The following MYO3B variants were observed in gnomAD, a reference collection of about 807,000 sequenced individuals.
The protein encoded by MYO3B is myosin-IIIb.
In MYO3B, 156 loss-of-function variants were observed where a neutral mutation model predicts 174.6. The observed-to-expected ratio is 0.89, with a 90% CI of 0.78 to 1.02. MYO3B has a LOEUF of 1.02. Ranked by LOEUF, MYO3B falls within the 50% of genes least tolerant of loss-of-function variation. MYO3B has a pLI of 0.00. For missense variants in MYO3B, 1,632 were observed against 1,639.4 expected (o/e 1.00, Z 0.08); for synonymous variants, 563 against 569.1 (o/e 0.99, Z 0.15).
chr2:170,455,144 T>C (rs988181819), intron 23 of MYO3B, among the ~76,000 whole-genome samples: 1 of 152,232 alleles, frequency 6.6e-6, no homozygotes, highest in African/African-American at 2.4e-5. Context: ...TCCTAAACCA[T>C]GATTTCTAAT....
chr2:170,581,896 T>A (rs562442962), intron 32 of MYO3B, among the ~76,000 whole-genome samples: 11 of 152,284 alleles, frequency 7.2e-5, no homozygotes, highest in Non-Finnish European at 1.6e-4. Flanking sequence ...ACCAAAGCTA[T>A]AAAAAATGTG....
At chr2:170,297,835 A>G (rs529786686) in intron 7 of MYO3B, among the ~76,000 whole-genome samples, 2 of 152,338 alleles carry the variant, frequency 1.3e-5, no homozygotes, top group African/African-American at 2.4e-5. Context: ...ATCACTGTTC[A>G]TGATTAGTAC....
intron 30 of MYO3B, among the ~76,000 whole-genome samples, chr2:170,528,419 T>A (rs554749697): frequency 6.6e-6 from 1 of 152,208 alleles, no homozygotes; most frequent in South Asian, 2.1e-4. Flanking sequence ...TTATTTTATT[T>A]TTTTTGAGAT....
Position 170,392,439 on chromosome 2 carries a change from A to G in MYO3B, c.1735A>G (p.Arg579Gly). The G allele has an allele frequency of 1.2e-6, 2 of 1,601,316 alleles. No individual in the cohort carries two copies. The highest frequency in any genetic ancestry group is 1.7e-6 in the Non-Finnish European group (2 of 1,172,162). Reference sequence around the variant, plus strand: ...CGACATAACTTCCAAGGAGTCTTACAGAAGACAATTCGAAGCAATTCAGCA... The same window carrying G: ...CGACATAACTTCCAAGGAGTCTTACGGAAGACAATTCGAAGCAATTCAGCA... ...MHDITSKESY[R>G]RQFEAIQHCF... Residue 579 changes from arginine to glycine, a missense_variant, in exon 16 of 35, where the codon AGA becomes GGA. Arg to Gly is a moderately radical substitution (Grantham distance 125). Coordinates refer to ENST00000408978, the MANE Select transcript of MYO3B (RefSeq NM_138995.5).
chr2:170,583,718 A>G (rs1238161999), intron 32 of MYO3B, among the ~76,000 whole-genome samples: 1 of 152,212 alleles, frequency 6.6e-6, no homozygotes, highest in Non-Finnish European at 1.5e-5. Context: ...GTAGGCTAGT[A>G]TCTAAAATAT....
intron 20 of MYO3B, 86 bp downstream of exon 20, chr2:170,404,486 C>A: frequency 1.5e-6 from 2 of 1,347,402 alleles, no homozygotes; most frequent in Non-Finnish European, 2.0e-6. Flanking sequence ...ATGAATTTAC[C>A]TTACATATTT....
chr2:170,626,822 G>A (rs1393681972), intron 32 of MYO3B, among the ~76,000 whole-genome samples: 4 of 152,152 alleles, frequency 2.6e-5, no homozygotes, highest in Admixed American at 2.6e-4. Flanking sequence ...AGTTTGGCTG[G>A]ATATGAAATT....
At chr2:170,473,981 A>G (rs2105989796) in intron 25 of MYO3B, among the ~76,000 whole-genome samples, 1 of 152,352 alleles carries the variant, frequency 6.6e-6, no homozygotes. Flanking sequence ...ATAACAAGTA[A>G]CTGAAACTCA....
intron 25 of MYO3B, among the ~76,000 whole-genome samples, chr2:170,494,747 A>AT (rs1686738637): frequency 7.2e-6 from 1 of 139,028 alleles, no homozygotes; most frequent in Non-Finnish European, 1.5e-5. Context: ...AAAAAAAAAA[A>AT]AGAAGAAGAA....
At chr2:170,328,182 A>G (rs1383996141) in intron 7 of MYO3B, among the ~76,000 whole-genome samples, 2 of 152,102 alleles carry the variant, frequency 1.3e-5, no homozygotes, top group Non-Finnish European at 2.9e-5. Flanking sequence ...GATTACAGGC[A>G]TGAACCACCA....
At chr2:170,375,091 T>C (rs2094281473) in intron 9 of MYO3B, among the ~76,000 whole-genome samples, 1 of 152,182 alleles carries the variant, frequency 6.6e-6, no homozygotes, top group Admixed American at 6.5e-5. Flanking sequence ...CTTCATCTGT[T>C]GGAGGTGTTT....
At chr2:170,512,750 G>A (rs1188257439) in intron 28 of MYO3B, among the ~76,000 whole-genome samples, 2 of 152,162 alleles carry the variant, frequency 1.3e-5, no homozygotes, top group Admixed American at 6.5e-5. Flanking sequence ...AAGGAGAATA[G>A]GGATTATTAT....
intron 8 of MYO3B, among the ~76,000 whole-genome samples, chr2:170,367,730 A>G (rs2105675646): frequency 6.6e-6 from 1 of 152,330 alleles, no homozygotes. Flanking sequence ...TCAAGGGAAG[A>G]TTGCTGATGT....
chr2:170,227,388 G>A (rs1379165968), intron 6 of MYO3B, among the ~76,000 whole-genome samples: 2 of 152,152 alleles, frequency 1.3e-5, no homozygotes, highest in African/African-American at 4.8e-5. Context: ...GGTCTCAAGC[G>A]ATTCTTGTGC....
Position 170,401,574 on chromosome 2 carries a change from A to G in MYO3B, c.2012A>G (p.Asn671Ser), listed in dbSNP as rs1010574971. ...CGGGGCGAGACCATCATCCGTGCCA[A>G]CACTGTAGACAGGGCTGCGGACGTT... Reference protein sequence around the residue: ...VTRGETIIRANTVDRAADVRD... With the variant: ...VTRGETIIRASTVDRAADVRD... The change falls in exon 18 of 35, where the codon AAC (asparagine) becomes AGC (serine). Residue 671 changes from asparagine (N) to serine (S), a missense_variant. By Grantham distance (46) the Asn-to-Ser change is conservative. Coordinates refer to ENST00000408978, the MANE Select transcript of MYO3B (RefSeq NM_138995.5). 7.4e-6 allele frequency: 12 copies of G among 1,614,036 alleles called. No individual in the cohort carries two copies. Among genetic ancestry groups the G allele is most frequent in the African/African-American group, 2.7e-5 (2 of 74,906 alleles).
At chr2:170,521,709 T>C (rs781374038) in intron 30 of MYO3B, among the ~76,000 whole-genome samples, 1 of 152,074 alleles carries the variant, frequency 6.6e-6, no homozygotes, top group Non-Finnish European at 1.5e-5. Flanking sequence ...ATTTTGCTTA[T>C]ACCTCCCCCC....
intron 7 of MYO3B, among the ~76,000 whole-genome samples, chr2:170,275,749 A>C (rs778324940): frequency 6.6e-6 from 1 of 151,876 alleles, no homozygotes; most frequent in South Asian, 2.1e-4. Flanking sequence ...TCTGTGCATT[A>C]AAAAAAATAC....
intron 32 of MYO3B, among the ~76,000 whole-genome samples, chr2:170,547,975 C>T (rs559909559): frequency 3.3e-5 from 5 of 151,876 alleles, no homozygotes; most frequent in Admixed American, 1.3e-4. Flanking sequence ...GGCGTGGTGG[C>T]AGGCGCCTGT....
intron 23 of MYO3B, among the ~76,000 whole-genome samples, chr2:170,456,970 C>T (rs900496625): frequency 6.6e-6 from 1 of 152,222 alleles, no homozygotes; most frequent in Non-Finnish European, 1.5e-5. Flanking sequence ...TGTGAGACTA[C>T]AAACCTGTAT....
Sources: allele counts gnomAD v4.1 joint callset (sites outside exome capture counted in the v4.1 genomes callset), GRCh38; gene constraint gnomAD v4.1.1; transcripts MANE v1.5; gene names NCBI Gene and HGNC (gene_info 2026-07-23, HGNC 2026-07-21).